Variants in GRK5 observed in about 807,000 individuals in gnomAD.
GRK5 encodes g protein-coupled receptor kinase GRK5.
Under a neutral mutation model 78.4 loss-of-function variants are expected in GRK5, and 40 were observed. The ratio of observed to expected loss-of-function variants is 0.51; its 90% CI spans 0.40 to 0.66. The LOEUF is 0.66. Ranked by LOEUF, GRK5 falls within the 30% of genes least tolerant of loss-of-function variation. The probability of loss-of-function intolerance (pLI) is 0.00; values close to 1 mark genes in which losing one functional copy is unlikely to be tolerated. For synonymous variants in GRK5, 289 were observed against 296.8 expected (o/e 0.97, Z 0.27); for missense variants, 598 against 759.9 (o/e 0.79, Z 2.50).
At chr10:119,330,471 A>C (rs989970606) in intron 2 of GRK5, 1 of 151,870 alleles carries the variant, frequency 6.6e-6, no homozygotes, top group African/African-American at 2.4e-5. Context: ...CCTCATGACC[A>C]AATCACCTCC....
At chr10:119,369,176 G>A (rs764842178) in intron 2 of GRK5, among the ~76,000 whole-genome samples, 15 of 152,276 alleles carry the variant, frequency 9.9e-5, no homozygotes, top group South Asian at 2.1e-4. Flanking sequence ...TGATGCAGTC[G>A]GTCTGGGTGT....
At position 119,424,680 on chromosome 10, in the gene GRK5, C is replaced by T. The variant is rs145534581; in HGVS notation, c.441-313C>T. Among the ~76,000 whole-genome samples the T allele has an allele frequency of 3.9e-5, 6 of 152,204 alleles. No homozygotes were observed. The East Asian group carries it at 1.2e-3, about 29-fold the overall frequency. On this transcript the variant is annotated intron_variant, in intron 5 of 15. Coordinates refer to ENST00000392870, the MANE Select transcript of GRK5 (RefSeq NM_005308.3). ...CCCCAAACTCATTCATGATGACATA[C>T]CTCTGGGATCATTTATTTCATGTTT...
rs748977564 is a variant in GRK5, at chr10:119,423,141, A to G, written c.340-25A>G. 2.0e-6 allele frequency: 3 copies of G among 1,532,224 alleles called. No homozygotes were observed. In the Admixed American group the frequency reaches 5.0e-5, roughly 26 times the overall value. 94.9% of individuals were successfully genotyped at this position (1,532,224 alleles called of 1,614,324 possible). On this transcript the variant is annotated intron_variant, in intron 4 of 15. Transcript: ENST00000392870. ...CACTGCTGCTGGCTCCTCACTGACC[A>G]CCTCCCTTCCCTTCCTTCTTCCAGT...
intron 1 of GRK5, among the ~76,000 whole-genome samples, chr10:119,229,769 G>A (rs1262119233): frequency 6.6e-6 from 1 of 152,220 alleles, no homozygotes; most frequent in Non-Finnish European, 1.5e-5. Context: ...AGGACAGGTG[G>A]CTGGTGGTAT....
At chr10:119,224,396 A>ATTTG in intron 1 of GRK5, among the ~76,000 whole-genome samples, 2 of 26,166 alleles carry the variant, frequency 7.6e-5, no homozygotes, top group South Asian at 5.7e-3. Flanking sequence ...TTTATTATTT[A>ATTTG]TTTATTTATT....
At chr10:119,335,089 CCAA>C (rs1323979891) in intron 2 of GRK5, 1 of 142,824 alleles carries the variant, frequency 7.0e-6, no homozygotes, top group Non-Finnish European at 1.5e-5. Context: ...GGTTATTCAC[CCAA>C]CATTGCCTGC....
intron 1 of GRK5, among the ~76,000 whole-genome samples, chr10:119,275,367 G>A (rs921013937): frequency 6.6e-6 from 1 of 152,166 alleles, no homozygotes; most frequent in African/African-American, 2.4e-5. Context: ...GGTCAGGCTT[G>A]GATACCGGGC....
At chr10:119,353,018 A>C (rs1383758538) in intron 2 of GRK5, among the ~76,000 whole-genome samples, 1 of 152,226 alleles carries the variant, frequency 6.6e-6, no homozygotes, top group Non-Finnish European at 1.5e-5. Context: ...GTTGCCAGAA[A>C]TATCAAAAGT....
In GRK5 at chr10:119,412,652, C is replaced by T. The variant is rs1168944452; in HGVS notation, c.340-10514C>T. Among the ~76,000 whole-genome samples the T allele has an allele frequency of 6.6e-6, 1 of 152,186 alleles. No homozygotes were observed. Among genetic ancestry groups the T allele is most frequent in the Non-Finnish European group, 1.5e-5 (1 of 68,018 alleles). ...GTGTGGCAGTGGCTTTTCCACATGG[C>T]CCTGAAGGTTTTGATTAAAAAGGTG... On this transcript the variant is annotated intron_variant, in intron 4 of 15. Transcript: ENST00000392870. The surrounding 1 kb of genome is among the most constrained non-coding windows in gnomAD (Gnocchi z 4.3).
intron 1 of GRK5, among the ~76,000 whole-genome samples, chr10:119,291,591 CTCCTCCTCCTCT>C (rs1433353966): frequency 4.9e-5 from 7 of 142,774 alleles, no homozygotes; most frequent in Non-Finnish European, 9.1e-5. Context: ...CCTCTTCCTC[CTCCTCCTCCTCT>C]TCCTCCTCCT....
intron 1 of GRK5, among the ~76,000 whole-genome samples, chr10:119,272,540 C>T (rs922517722): frequency 9.4e-5 from 13 of 138,182 alleles, no homozygotes; most frequent in African/African-American, 2.2e-4. Flanking sequence ...CATGCAGTTG[C>T]ACTCCAGCCT....
At chr10:119,423,055 A>G (rs370422099) in intron 4 of GRK5, 111 bp from the exon 5 acceptor site, 1 of 733,722 alleles carries the variant, frequency 1.4e-6, no homozygotes, top group Non-Finnish European at 2.5e-6. Context: ...GGGCTGCCAG[A>G]TGTACCAGCA....
At chr10:119,397,757 A>G (rs143908366) in intron 4 of GRK5, among the ~76,000 whole-genome samples, 1 of 152,354 alleles carries the variant, frequency 6.6e-6, no homozygotes, top group Non-Finnish European at 1.5e-5. Flanking sequence ...CTTCTCCAGC[A>G]TCAGCAGTTG....
chr10:119,358,215 G>T (rs1851296947), intron 2 of GRK5, among the ~76,000 whole-genome samples: 1 of 152,190 alleles, frequency 6.6e-6, no homozygotes, highest in African/African-American at 2.4e-5. Context: ...GTGTTTTGGG[G>T]TGTCCACGCA....
chr10:119,251,877 C>A lies in GRK5; in HGVS notation c.52+43908C>A, dbSNP rs1038947497. ...AAATTGCTCCTGGTTGAGAACCACT[C>A]GCCTCGATTTTGGTGGTCTAGAATT... is the stretch of plus-strand genomic sequence containing the variant. On this transcript the variant is annotated intron_variant, in intron 1 of 15. Transcript: ENST00000392870. 3.9e-5 allele frequency among the ~76,000 whole-genome samples: 6 copies of A among 152,316 alleles called. No homozygotes were observed. In the East Asian group the frequency reaches 5.8e-4, roughly 15 times the overall value.
At chr10:119,268,445 G>A (rs993792271) in intron 1 of GRK5, among the ~76,000 whole-genome samples, 2 of 152,156 alleles carry the variant, frequency 1.3e-5, no homozygotes, top group African/African-American at 2.4e-5. Context: ...CACAGTTTGC[G>A]CCAGTCCTTC....
At chr10:119,442,460 A>C (rs1657188633) in intron 11 of GRK5, among the ~76,000 whole-genome samples, 1 of 152,182 alleles carries the variant, frequency 6.6e-6, no homozygotes, top group South Asian at 2.1e-4. Context: ...AGAGCCCGCA[A>C]ATGAGAGGCG....
intron 2 of GRK5, among the ~76,000 whole-genome samples, chr10:119,346,386 A>G (rs879455060): frequency 2.0e-5 from 3 of 152,168 alleles, no homozygotes; most frequent in African/African-American, 7.2e-5. Flanking sequence ...GGGTTTCGGC[A>G]TTTGCTTCAG....
At chr10:119,288,814 C>T (rs985151058) in intron 1 of GRK5, among the ~76,000 whole-genome samples, 1 of 152,208 alleles carries the variant, frequency 6.6e-6, no homozygotes, top group Non-Finnish European at 1.5e-5. Context: ...GCCCATGTCC[C>T]AGTGGCGGCT....
Sources: allele counts gnomAD v4.1 joint callset (sites outside exome capture counted in the v4.1 genomes callset), GRCh38; gene constraint gnomAD v4.1.1; non-coding constraint Gnocchi (gnomAD v3.1); transcripts MANE v1.5; gene names NCBI Gene and HGNC (gene_info 2026-07-23, HGNC 2026-07-21).